Variants in SUGCT observed in about 807,000 individuals in gnomAD.
SUGCT encodes succinyl-CoA:glutarate CoA-transferase.
SUGCT carries 41 observed loss-of-function variants against 55.0 expected under a neutral mutation model. The ratio of observed to expected loss-of-function variants is 0.74; its 90% CI spans 0.58 to 0.97. The LOEUF (loss-of-function observed/expected upper bound fraction) is 0.97. Ranked by LOEUF, SUGCT falls within the 50% of genes least tolerant of loss-of-function variation. SUGCT has a pLI of 0.00. For synonymous variants in SUGCT, 187 were observed against 200.4 expected, an observed-to-expected ratio of 0.93 and a Z score of 0.56; for missense variants, 568 against 547.8, an observed-to-expected ratio of 1.04 and a Z score of -0.37.
chr7:40,225,248 A>G (rs749094355), intron 6 of SUGCT, among the ~76,000 whole-genome samples: 8 of 151,998 alleles, frequency 5.3e-5, no homozygotes, highest in Non-Finnish European at 1.2e-4. Context: ...TTAACTTACC[A>G]ATTTATTTAC....
chr7:40,804,706 A>G (rs1791000671), intron 13 of SUGCT, among the ~76,000 whole-genome samples: 1 of 152,244 alleles, frequency 6.6e-6, no homozygotes, highest in African/African-American at 2.4e-5. Context: ...TATGTTCTGA[A>G]TGATGCCTAG....
At chr7:40,472,406 T>A (rs1209229081) in intron 11 of SUGCT, among the ~76,000 whole-genome samples, 1 of 152,144 alleles carries the variant, frequency 6.6e-6, no homozygotes, top group Non-Finnish European at 1.5e-5. Context: ...TCAGACTAAT[T>A]TAAAGGCATA....
chr7:41,010,938 AG>A, the SUGCT span, among the ~76,000 whole-genome samples: 1 of 152,258 alleles, frequency 6.6e-6, no homozygotes, highest in Non-Finnish European at 1.5e-5. Flanking sequence ...CCAGGCCCAC[AG>A]CTGATGTTTG....
chr7:40,760,265 G>A (rs1158501051), intron 13 of SUGCT, among the ~76,000 whole-genome samples: 1 of 152,176 alleles, frequency 6.6e-6, no homozygotes, highest in African/African-American at 2.4e-5. Context: ...ACAATGTTGT[G>A]TTGGTATAAT....
rs566301689 is a variant in SUGCT at position 40,715,034 on chromosome 7, C to A, written c.1090-34400C>A. Among the ~76,000 whole-genome samples, 3 of 152,194 alleles carry A rather than the reference C, an allele frequency of 2.0e-5. No individual in the cohort carries two copies. In the East Asian group the frequency reaches 5.8e-4, roughly 29 times the overall value. On this transcript the variant is annotated intron_variant, in intron 12 of 13. Transcript: ENST00000335693. ...ACACAGAGTGAATGTGGCTTCTCTG[C>A]CTTCCACTTGCCAGGAGTTAAGGTT... is the stretch of plus-strand genomic sequence containing the variant.
intron 13 of SUGCT, among the ~76,000 whole-genome samples, chr7:40,837,387 C>A (rs1374891449): frequency 2.0e-5 from 3 of 152,106 alleles, no homozygotes; most frequent in African/African-American, 7.2e-5. Flanking sequence ...CTTGTCTCTT[C>A]ATCTCCTTAA....
chr7:40,710,759 A>C (rs934034299), intron 12 of SUGCT, among the ~76,000 whole-genome samples: 1 of 152,212 alleles, frequency 6.6e-6, no homozygotes, highest in African/African-American at 2.4e-5. Flanking sequence ...GATCAACCCC[A>C]GGGCTCATCA....
At chr7:40,979,345 A>G in the SUGCT span, 1 of 152,232 alleles carries the variant, frequency 6.6e-6, no homozygotes, top group Admixed American at 6.5e-5. Flanking sequence ...TAATCTAAAG[A>G]CCAGAAATGC....
chr7:40,477,246 T>C (rs565665497), intron 11 of SUGCT, among the ~76,000 whole-genome samples: 1 of 152,234 alleles, frequency 6.6e-6, no homozygotes, highest in South Asian at 2.1e-4. Context: ...AATAGAGATA[T>C]CATCTTTAGG....
At chr7:40,312,726 G>A (rs1795227491) in intron 8 of SUGCT, among the ~76,000 whole-genome samples, 1 of 152,170 alleles carries the variant, frequency 6.6e-6, no homozygotes. Flanking sequence ...GGGCTTAATG[G>A]AAAAGATGAT....
the SUGCT span, among the ~76,000 whole-genome samples, chr7:40,913,941 A>T: frequency 6.6e-6 from 1 of 152,206 alleles, no homozygotes; most frequent in African/African-American, 2.4e-5. Flanking sequence ...AGGAAAACAA[A>T]TTTCACCCAC....
chr7:40,919,464 C>T, the SUGCT span, among the ~76,000 whole-genome samples: 80 of 152,288 alleles, frequency 5.3e-4, no homozygotes, highest in Middle Eastern at 6.8e-3. Context: ...TGACCCCAAA[C>T]GGGGGGTTCT....
At chr7:40,485,589 C>A (rs1791293285) in intron 11 of SUGCT, among the ~76,000 whole-genome samples, 1 of 151,626 alleles carries the variant, frequency 6.6e-6, no homozygotes, top group Non-Finnish European at 1.5e-5. Context: ...CCATGCCTAG[C>A]TAATTTTTGT....
chr7:40,819,375 C>G (rs1375457644), intron 13 of SUGCT, among the ~76,000 whole-genome samples: 2 of 152,310 alleles, frequency 1.3e-5, no homozygotes, highest in Admixed American at 1.3e-4. Flanking sequence ...GTCCCACCAA[C>G]AGTGTAAAGG....
Position 40,274,533 on chromosome 7 carries a change from A to C in SUGCT, c.597A>C (p.Pro199=), listed in dbSNP as rs1792331371. ...TGPENGDPVR[P]GVAMTDLATG... is the part of the protein sequence containing the mutation. ...ATCAGAATGGAGATCCAGTTCGCCC[A>C]GGAGTAGCTATGACTGATCTTGCCA... The change falls in exon 8 of 14, where the codon CCA becomes CCC. Residue 199 remains proline, a synonymous_variant. Coordinates refer to ENST00000335693, the MANE Select transcript of SUGCT (RefSeq NM_001193313.2). The C allele has an allele frequency of 1.9e-6, 3 of 1,613,460 alleles. No homozygotes were observed. Among genetic ancestry groups the C allele is most frequent in the Non-Finnish European group, 2.5e-6 (3 of 1,179,706 alleles).
At chr7:40,809,551 T>TGTATTG (rs1791295609) in intron 13 of SUGCT, among the ~76,000 whole-genome samples, 1 of 152,292 alleles carries the variant, frequency 6.6e-6, no homozygotes, top group East Asian at 1.9e-4. Flanking sequence ...AGTACCATAC[T>TGTATTG]AGGTTTTGGT....
chr7:40,431,813 C>A (rs1158985787), intron 9 of SUGCT, among the ~76,000 whole-genome samples: 1 of 151,712 alleles, frequency 6.6e-6, no homozygotes, highest in East Asian at 1.9e-4. Flanking sequence ...TTAAAAATGT[C>A]TTTTTAATTT....
chr7:40,320,228 T>G (rs1795655106), intron 9 of SUGCT, among the ~76,000 whole-genome samples: 1 of 150,792 alleles, frequency 6.6e-6, no homozygotes, highest in Non-Finnish European at 1.5e-5. Context: ...TGCCTCAGCC[T>G]CCTGAGTAGC....
At chr7:40,823,571 CTTA>C (rs1251513233) in intron 13 of SUGCT, among the ~76,000 whole-genome samples, 6 of 152,058 alleles carry the variant, frequency 3.9e-5, no homozygotes, top group Non-Finnish European at 7.4e-5. Context: ...TACTACACTG[CTTA>C]TTATAAACAG....
Sources: gnomAD v4.1 joint callset for allele counts (sites outside exome capture counted in the v4.1 genomes callset) on GRCh38, gnomAD v4.1.1 for gene constraint, MANE v1.5 for transcripts, NCBI Gene and HGNC (gene_info 2026-07-23, HGNC 2026-07-21) for gene names.